Variants in TNRC18 observed in about 807,000 individuals in gnomAD.
TNRC18 encodes trinucleotide repeat containing 18, also known as trinucleotide repeat-containing gene 18 protein.
In TNRC18, 69 loss-of-function variants were observed where a neutral mutation model predicts 226.7. That is an observed-to-expected ratio of 0.30 (90% confidence interval 0.25 to 0.37). The LOEUF is 0.37. Among genes scored for constraint, TNRC18 ranks in the 10% least tolerant of loss-of-function variants. TNRC18 has a pLI of 1.00. For missense variants in TNRC18, 4,754 were observed against 4,256.6 expected (o/e 1.12, Z -3.25); for synonymous variants, 2,449 against 1,927.6 (o/e 1.27, Z -7.09).
chr7:5,348,358 C>T (rs1353142450), intron 17 of TNRC18, among the ~76,000 whole-genome samples: 2 of 152,176 alleles, frequency 1.3e-5, no homozygotes. Context: ...AAGGTGGCCC[C>T]TTCCAGCAAG....
chr7:5,418,478 G>C (rs1022919511), intron 2 of TNRC18, among the ~76,000 whole-genome samples: 2 of 152,036 alleles, frequency 1.3e-5, no homozygotes, highest in African/African-American at 4.8e-5. Flanking sequence ...ATCTTTCTCC[G>C]AGGGCCCCTC....
At chr7:5,349,348 G>A (rs907138198) in intron 17 of TNRC18, among the ~76,000 whole-genome samples, 6 of 152,220 alleles carry the variant, frequency 3.9e-5, no homozygotes, top group East Asian at 1.9e-4. Flanking sequence ...GCAGCTTGCC[G>A]AGGGCTGGGG....
chr7:5,311,560 T>G (rs1787212401), intron 27 of TNRC18, among the ~76,000 whole-genome samples: 1 of 152,194 alleles, frequency 6.6e-6, no homozygotes, highest in African/African-American at 2.4e-5. Context: ...GCACCTGGAA[T>G]TCCAGCACTC....
At chr7:5,320,137 G>C in intron 24 of TNRC18, 181 bp downstream of exon 24, 2 of 595,030 alleles carry the variant, frequency 3.4e-6, no homozygotes, top group Non-Finnish European at 6.1e-6. Context: ...CAGAGCTGGA[G>C]TCCTGATGAC....
rs1263393079 is a variant in TNRC18 at position 5,312,974 on chromosome 7, G to GGAGGAA, written c.7911_7916dup (p.Ser2670_Ser2671dup). The stretch of plus-strand genomic sequence containing the variant: ...AGGAAGACGAAGAGGAAGAGGAGGA[G>GGAGGAA]GAGGAAGAGGAGGAGGAGGAAGAGG... On this transcript the variant is annotated inframe_insertion, in exon 27 of 30. Transcript: ENST00000430969. This position sits in a 1 kb window ranked among gnomAD's most constrained non-coding sequence, Gnocchi z 6.3. 1 of 1,100,204 alleles carries GGAGGAA rather than the reference G, an allele frequency of 9.1e-7. No homozygotes were observed. Among genetic ancestry groups the GGAGGAA allele is most frequent in the South Asian group, 1.5e-5 (1 of 67,080 alleles). 68.2% of individuals were successfully genotyped at this position (1,100,204 alleles called of 1,614,324 possible). A position where few individuals can be genotyped will look rare whatever the true frequency, so the allele number is the denominator to read the frequency against.
intron 16 of TNRC18, among the ~76,000 whole-genome samples, chr7:5,354,152 G>C (rs528748518): frequency 6.6e-6 from 1 of 151,982 alleles, no homozygotes; most frequent in Non-Finnish European, 1.5e-5. Context: ...GCAGTGAGCC[G>C]AGATCATGCC....
chr7:5,422,384 G>A (rs1180729407), intron 1 of TNRC18, among the ~76,000 whole-genome samples: 2 of 137,398 alleles, frequency 1.5e-5, no homozygotes, highest in African/African-American at 2.8e-5. Context: ...TTGCAACGCG[G>A]GCCTGCCAAG....
At position 5,306,877 on chromosome 7, in the gene TNRC18, T is replaced by TAAAA. The variant is rs33960126; in HGVS notation, c.*1225_*1228dup. 6.8e-6 allele frequency: 1 copy of TAAAA among 146,974 alleles called. No homozygotes were observed. The highest frequency in any genetic ancestry group is 2.0e-4 in the East Asian group (1 of 5,114). 9.1% of individuals were successfully genotyped at this position (146,974 alleles called of 1,614,324 possible). On this transcript the variant is annotated 3_prime_UTR_variant, in exon 30 of 30. Transcript: ENST00000430969. The stretch of plus-strand genomic sequence containing the variant: ...AACAAACAAAATTCCAAAAGAAACA[T>TAAAA]AAAAAAAAAAACCAATAATTCCCCC...
Position 5,374,316 on chromosome 7 carries a change from C to G in TNRC18, c.2968G>C (p.Val990Leu). The G allele has an allele frequency of 2.1e-6, 3 of 1,432,978 alleles. No individual in the cohort carries two copies. Among genetic ancestry groups the G allele is most frequent in the Non-Finnish European group, 2.7e-6 (3 of 1,100,186 alleles). 88.8% of individuals were successfully genotyped at this position (1,432,978 alleles called of 1,614,324 possible). A position where few individuals can be genotyped will look rare whatever the true frequency, so the allele number is the denominator to read the frequency against. ...AGPAGTYGKA[V>L]SPPPSPRASP... ...GCGCGGGGTGATGGTGGCGGGCTCACGGCCTTGCCGTAGGTGCCCGCGGGG... is the reference window on the plus strand; with the variant it reads ...GCGCGGGGTGATGGTGGCGGGCTCAGGGCCTTGCCGTAGGTGCCCGCGGGG... Residue 990 changes from valine (V) to leucine (L), a missense_variant, in exon 10 of 30, where the codon GTG becomes CTG. Transcript: ENST00000430969.
In TNRC18 at chr7:5,313,027, A is replaced by AT. The variant is rs1363296315; in HGVS notation, c.7863_7864insA (p.Ser2622IlefsTer63). On this transcript the variant is annotated frameshift_variant, in exon 27 of 30. Coordinates refer to ENST00000430969, the MANE Select transcript of TNRC18 (RefSeq NM_001080495.3). LOFTEE classifies it high-confidence loss of function. ...GATGAGGAGGAGGAGGAGGAGGAGG[A>AT]GGAGGATGAGGAGGAGGAGGAGGAG... 47 of 868,498 alleles carry AT rather than the reference A, an allele frequency of 5.4e-5. No homozygotes were observed. The highest frequency in any genetic ancestry group is 1.8e-4 in the Admixed American group (9 of 48,892). The allele number at this position is 868,498 out of a possible 1,614,324, so 53.8% of individuals were successfully genotyped here.
At chr7:5,374,630 G>T in intron 9 of TNRC18, 146 bp from the exon 10 acceptor site, 2 of 775,134 alleles carry the variant, frequency 2.6e-6, no homozygotes, top group Non-Finnish European at 3.9e-6. Context: ...CCCGTCCCAG[G>T]CCAGAGACAG....
At chr7:5,343,430 CTTTTAT>C (rs1377581464) in intron 18 of TNRC18, among the ~76,000 whole-genome samples, 21 of 152,034 alleles carry the variant, frequency 1.4e-4, no homozygotes, top group Admixed American at 1.4e-3. Context: ...TTGGTTTGGT[CTTTTAT>C]TTTTGAGACA....
intron 19 of TNRC18, among the ~76,000 whole-genome samples, chr7:5,329,751 A>G (rs1789318779): frequency 9.3e-6 from 1 of 107,812 alleles, no homozygotes; most frequent in African/African-American, 3.4e-5. Flanking sequence ...TGATCAATAG[A>G]GTTGGGCTTT....
Position 5,313,040 on chromosome 7 carries a change from G to A in TNRC18, c.7851C>T (p.Ser2617=), listed in dbSNP as rs559289161. Residue 2617 remains serine, a synonymous_variant, in exon 27 of 30, where the codon TCC becomes TCT. Coordinates refer to ENST00000430969, the MANE Select transcript of TNRC18 (RefSeq NM_001080495.3). ...SRAASPASSS[S]SSSSSSSSSS... is the part of the protein sequence containing the mutation. ...AGGAGGAGGAGGAGGAGGATGAGGA[G>A]GAGGAGGAGGAGGCCGGTGAGGCCG... 5 of 943,390 alleles carry A rather than the reference G, an allele frequency of 5.3e-6. No homozygotes were observed. Among genetic ancestry groups the A allele is most frequent in the Non-Finnish European group, 8.3e-6 (5 of 605,822 alleles). 58.4% of individuals were successfully genotyped at this position (943,390 alleles called of 1,614,324 possible). A position where few individuals can be genotyped will look rare whatever the true frequency, so the allele number is the denominator to read the frequency against.
Position 5,388,222 on chromosome 7 carries a change from G to T in TNRC18, c.1602C>A (p.Arg534=), listed in dbSNP as rs1426707071. 2 of 1,602,018 alleles carry T rather than the reference G, an allele frequency of 1.2e-6. No homozygotes were observed. ...AVLAAQHHHS[R]AEEEAAVVAA... ...CGACCACGGCGGCCTCCTCTTCGGCGCGGCTGTGGTGGTGCTGCGCGGCCA... is the reference window on the plus strand; with the variant it reads ...CGACCACGGCGGCCTCCTCTTCGGCTCGGCTGTGGTGGTGCTGCGCGGCCA... The change falls in exon 5 of 30, where the codon CGC becomes CGA. Residue 534 remains arginine, a synonymous_variant. Transcript: ENST00000430969.
In TNRC18 at chr7:5,307,447, C is replaced by A. The variant is rs549893857; in HGVS notation, c.*659G>T. 88 of 384,968 alleles carry A rather than the reference C, an allele frequency of 2.3e-4. 1 individual carries two copies. Among genetic ancestry groups the A allele is most frequent in the Non-Finnish European group, 4.0e-4 (76 of 188,450 alleles). The allele number at this position is 384,968 out of a possible 1,614,324, so 23.8% of individuals were successfully genotyped here. ...ACAGTTTCAGCACCATTGGGGTTTT[C>A]TGTAGTGTGAGGGTTTGGACCAGGG... On this transcript the variant is annotated 3_prime_UTR_variant, in exon 30 of 30. Coordinates refer to ENST00000430969, the MANE Select transcript of TNRC18 (RefSeq NM_001080495.3).
chr7:5,387,590 G>A lies in TNRC18; in HGVS notation c.2152+82C>T, dbSNP rs1034317359. On this transcript the variant is annotated intron_variant, in intron 5 of 29. Coordinates refer to ENST00000430969, the MANE Select transcript of TNRC18 (RefSeq NM_001080495.3). The stretch of plus-strand genomic sequence containing the variant: ...TATAAAGACTTAGCAATAGCAAAGG[G>A]AAAGGGCCCACACTGTAATGTACGG... 5.2e-6 allele frequency: 8 copies of A among 1,542,812 alleles called. No homozygotes were observed. The Admixed American group carries it at 1.0e-4, about 20-fold the overall frequency.
At chr7:5,361,764 G>A in intron 13 of TNRC18, 42 bp from the exon 14 acceptor site, 1 of 1,548,884 alleles carries the variant, frequency 6.5e-7, no homozygotes, top group Non-Finnish European at 8.7e-7. Flanking sequence ...CTGGGGGGCG[G>A]GCGGGGCGCG....
intron 21 of TNRC18, among the ~76,000 whole-genome samples, chr7:5,323,749 G>C (rs1788618983): frequency 6.6e-6 from 1 of 151,920 alleles, no homozygotes; most frequent in Non-Finnish European, 1.5e-5. Flanking sequence ...TGTATTTTCA[G>C]TAGAATCAGG....
Sources: allele counts gnomAD v4.1 joint callset (sites outside exome capture counted in the v4.1 genomes callset), GRCh38; gene constraint gnomAD v4.1.1; non-coding constraint Gnocchi (gnomAD v3.1); transcripts MANE v1.5; gene names NCBI Gene and HGNC (gene_info 2026-07-23, HGNC 2026-07-21).